The following GCA variants were observed in gnomAD, a reference collection of about 807,000 sequenced individuals.
The protein encoded by GCA is grancalcin, EF-hand calcium-binding protein.
Under a neutral mutation model 32.6 loss-of-function variants are expected in GCA, and 30 were observed. That is an observed-to-expected ratio of 0.92 (90% CI 0.69 to 1.25). The LOEUF is 1.25. Among genes scored for constraint, GCA ranks in the 50% most tolerant of loss-of-function variants. GCA has a pLI of 0.00. For missense variants in GCA, 291 were observed against 266.8 expected (o/e 1.09, Z -0.63); for synonymous variants, 102 against 84.6 (o/e 1.21, Z -1.13).
Position 162,360,353 on chromosome 2 carries a change from A to T in GCA, c.*110A>T. The T allele has an allele frequency of 6.9e-7, 1 of 1,454,186 alleles. No individual in the cohort carries two copies. Among genetic ancestry groups the T allele is most frequent in the South Asian group, 1.5e-5 (1 of 66,090 alleles). 90.1% of individuals were successfully genotyped at this position (1,454,186 alleles called of 1,614,324 possible). A position where few individuals can be genotyped will look rare whatever the true frequency, so the allele number is the denominator to read the frequency against. On this transcript the variant is annotated 3_prime_UTR_variant, in exon 8 of 8. Coordinates refer to ENST00000437150, the MANE Select transcript of GCA (RefSeq NM_012198.5). Reference sequence around the variant, plus strand: ...GTTTTCTATGTTCTTCCTACCTGTTAAACCTCTTCCCTTTCTGTGTGTTTT... The same window carrying T: ...GTTTTCTATGTTCTTCCTACCTGTTTAACCTCTTCCCTTTCTGTGTGTTTT...
chr2:162,351,069 G>T (rs1003165744), intron 2 of GCA, among the ~76,000 whole-genome samples: 1 of 152,050 alleles, frequency 6.6e-6, no homozygotes, highest in African/African-American at 2.4e-5. Context: ...CTGATTAAAG[G>T]TTTCTGCAGT....
intron 3 of GCA, among the ~76,000 whole-genome samples, chr2:162,353,318 A>G (rs1685095469): frequency 6.6e-6 from 1 of 152,126 alleles, no homozygotes; most frequent in Admixed American, 6.5e-5. Flanking sequence ...AAATACAAAA[A>G]TTAACTGGGC....
At chr2:162,320,975 A>G (rs1425436158) in intron 1 of GCA, among the ~76,000 whole-genome samples, 1 of 152,174 alleles carries the variant, frequency 6.6e-6, no homozygotes, top group Non-Finnish European at 1.5e-5. Context: ...CCCAACAATA[A>G]CAATTCATAT....
At chr2:162,370,719 A>T (rs1227296970) in intron 4 of GCA, among the ~76,000 whole-genome samples, 1 of 152,122 alleles carries the variant, frequency 6.6e-6, no homozygotes, top group African/African-American at 2.4e-5. Flanking sequence ...TAGTTTTGCC[A>T]TGCAAATCCA....
At chr2:162,325,244 T>C (rs1683833002) in intron 1 of GCA, among the ~76,000 whole-genome samples, 1 of 152,162 alleles carries the variant, frequency 6.6e-6, no homozygotes, top group South Asian at 2.1e-4. Flanking sequence ...CTGGGAATTC[T>C]GGGGTTTGTG....
intron 2 of GCA, among the ~76,000 whole-genome samples, chr2:162,350,618 T>G (rs893574046): frequency 2.6e-5 from 4 of 152,202 alleles, no homozygotes; most frequent in Non-Finnish European, 4.4e-5. Flanking sequence ...AATTACAACT[T>G]AAAGTATATG....
chr2:162,363,287 A>G (rs1259551358), downstream of GCA, among the ~76,000 whole-genome samples: 1 of 151,438 alleles, frequency 6.6e-6, no homozygotes. Context: ...ATTCTGTCCC[A>G]TAAGCTTTAA....
At chr2:162,344,670 C>T (rs910400399) in intron 1 of GCA, 18 of 275,024 alleles carry the variant, frequency 6.5e-5, no homozygotes, top group Admixed American at 5.6e-4. Context: ...ACTTCTTGTT[C>T]TTTAAGTTCC....
intron 1 of GCA, among the ~76,000 whole-genome samples, chr2:162,323,734 T>C (rs1449266729): frequency 1.3e-5 from 2 of 151,836 alleles, no homozygotes; most frequent in African/African-American, 2.4e-5. Context: ...TGTGGCATTA[T>C]TTCTGAGGGC....
downstream of GCA, among the ~76,000 whole-genome samples, chr2:162,364,945 A>G (rs151117156): frequency 3.0e-3 from 457 of 151,698 alleles, 6 homozygotes; most frequent in African/African-American, 9.6e-3. Flanking sequence ...GTGAAATATT[A>G]TGCTTCTTTA....
intron 3 of GCA, among the ~76,000 whole-genome samples, chr2:162,355,314 T>C (rs1685211734): frequency 6.6e-6 from 1 of 152,170 alleles, no homozygotes; most frequent in African/African-American, 2.4e-5. Flanking sequence ...AACCAACAAT[T>C]CTAACATTGA....
At chr2:162,375,008 C>G (rs907762519), downstream of GCA, among the ~76,000 whole-genome samples, 2 of 152,152 alleles carry the variant, frequency 1.3e-5, no homozygotes, top group African/African-American at 4.8e-5. Context: ...CATTATTTCA[C>G]TGTTATGTGT....
intron 1 of GCA, among the ~76,000 whole-genome samples, chr2:162,334,040 A>G (rs1684181559): frequency 6.6e-6 from 1 of 152,188 alleles, no homozygotes; most frequent in Non-Finnish European, 1.5e-5. Flanking sequence ...GGGACAAAGC[A>G]GCCCAGGCCA....
At chr2:162,354,013 G>A (rs575514455) in intron 3 of GCA, among the ~76,000 whole-genome samples, 1 of 151,940 alleles carries the variant, frequency 6.6e-6, no homozygotes, top group South Asian at 2.1e-4. Flanking sequence ...CTATTTTCAT[G>A]AATGTGATAT....
chr2:162,327,351 TG>T (rs1683921595), intron 1 of GCA, among the ~76,000 whole-genome samples: 1 of 151,778 alleles, frequency 6.6e-6, no homozygotes, highest in Non-Finnish European at 1.5e-5. Flanking sequence ...AGAAACATTG[TG>T]GGGGGCAGGG....
At chr2:162,345,315 G>C (rs1684643899) in intron 1 of GCA, among the ~76,000 whole-genome samples, 1 of 152,102 alleles carries the variant, frequency 6.6e-6, no homozygotes, top group African/African-American at 2.4e-5. Context: ...GAAGTTTAAG[G>C]TACCTAAGGA....
chr2:162,363,376 C>T (rs1037360626), downstream of GCA, among the ~76,000 whole-genome samples: 2 of 151,280 alleles, frequency 1.3e-5, no homozygotes, highest in African/African-American at 4.8e-5. Flanking sequence ...CAATCATTTA[C>T]ATAGTGAATT....
chr2:162,352,207 T>A (rs1372170687), intron 2 of GCA, 131 bp from the exon 3 acceptor site: 2 of 594,328 alleles, frequency 3.4e-6, no homozygotes, highest in East Asian at 5.7e-5. Context: ...ATCTCTAGAA[T>A]TTTGTAGTTA....
rs1685298761 is a variant in GCA at position 162,356,812 on chromosome 2, C to T, written c.361C>T (p.Leu121Phe). 3 of 1,609,082 alleles carry T rather than the reference C, an allele frequency of 1.9e-6. No individual in the cohort carries two copies. Among genetic ancestry groups the T allele is most frequent in the African/African-American group, 2.7e-5 (2 of 74,766 alleles). The change falls in exon 5 of 8, where the codon CTT becomes TTT. Residue 121 changes from leucine to phenylalanine, a missense_variant. Coordinates refer to ENST00000437150, the MANE Select transcript of GCA (RefSeq NM_012198.5). ...FNAFKELWAA[L>F]NAWKENFMTV... ...TGCATTCAAAGAGCTATGGGCAGCT[C>T]TTAATGCCTGGAAGGAAAACTTCAT... is the stretch of plus-strand genomic sequence containing the variant.
Sources: allele counts gnomAD v4.1 joint callset (sites outside exome capture counted in the v4.1 genomes callset), GRCh38; gene constraint gnomAD v4.1.1; transcripts MANE v1.5; gene names NCBI Gene and HGNC (gene_info 2026-07-23, HGNC 2026-07-21).